Variants in SLC4A7 observed in about 807,000 individuals in gnomAD.
SLC4A7 encodes solute carrier family 4 member 7, also known as sodium bicarbonate cotransporter 3.
A neutral mutation model predicts 137.6 loss-of-function variants in SLC4A7; 51 were observed. That is an observed-to-expected ratio of 0.37 (90% CI 0.30 to 0.47). The LOEUF (loss-of-function observed/expected upper bound fraction) is 0.47, where lower values mean the gene tolerates loss of function less well. Ranked by LOEUF, SLC4A7 falls within the 20% of genes least tolerant of loss-of-function variation. SLC4A7 has a pLI of 1.00. For missense variants in SLC4A7, 1,247 were observed against 1,525.4 expected, an observed-to-expected ratio of 0.82 and a Z score of 3.04; for synonymous variants, 542 against 518.6, an observed-to-expected ratio of 1.05 and a Z score of -0.61.
chr3:27,434,134 A>C (rs762740219), intron 5 of SLC4A7, 30 bp from the exon 6 acceptor site: 6 of 1,504,304 alleles, frequency 4.0e-6, no homozygotes, highest in African/African-American at 1.4e-5. Context: ...ATAAATTACT[A>C]AACACTCAGA....
chr3:27,452,496 A>C lies in SLC4A7; in HGVS notation c.63T>G (p.Gly21=). 2 of 1,599,340 alleles carry C rather than the reference A, an allele frequency of 1.3e-6. No individual in the cohort carries two copies. The highest frequency in any genetic ancestry group is 1.7e-6 in the Non-Finnish European group (2 of 1,175,628). ...GATCCACAACAGCTTCTTCATCAGG[A>C]CCCTAAAAACAAATTATTCTCATTG... ...RPLLTRVTSR[G]PDEEAVVDLG... The change falls in exon 2 of 26, where the codon GGT becomes GGG. Residue 21 remains glycine (G), a splice_region_variant and synonymous_variant. Coordinates refer to ENST00000454389, the MANE Select transcript of SLC4A7 (RefSeq NM_001321103.2).
chr3:27,389,690 T>C (rs1179455132), intron 22 of SLC4A7, among the ~76,000 whole-genome samples: 1 of 152,092 alleles, frequency 6.6e-6, no homozygotes, highest in Non-Finnish European at 1.5e-5. Flanking sequence ...TATTTAAAAA[T>C]ACAAAACCAA....
At chr3:27,418,709 T>C in intron 10 of SLC4A7, 77 bp from the exon 11 acceptor site, 1 of 813,680 alleles carries the variant, frequency 1.2e-6, no homozygotes, top group East Asian at 2.7e-5. Flanking sequence ...ACTCTGGATA[T>C]CATAAATAGC....
intron 1 of SLC4A7, among the ~76,000 whole-genome samples, chr3:27,476,043 C>T (rs1484190757): frequency 6.6e-6 from 1 of 152,152 alleles, no homozygotes; most frequent in Admixed American, 6.5e-5. Context: ...TAACGGCTGA[C>T]ATCTGGAATC....
At chr3:27,451,958 C>T (rs1487540475) in intron 2 of SLC4A7, among the ~76,000 whole-genome samples, 2 of 152,018 alleles carry the variant, frequency 1.3e-5, no homozygotes, top group African/African-American at 4.8e-5. Context: ...TTCTTCCTGT[C>T]TAAGGAAGAA....
At position 27,376,647 on chromosome 3, in the gene SLC4A7, A is replaced by G; in HGVS notation, c.*117T>C. Reference sequence around the variant, plus strand: ...ATTACAAACTCCAGACACTACTTTTAAAAACCCGGTAGTCACACATAAACA... The same window carrying G: ...ATTACAAACTCCAGACACTACTTTTGAAAACCCGGTAGTCACACATAAACA... On this transcript the variant is annotated 3_prime_UTR_variant, in exon 26 of 26. Transcript: ENST00000454389. The G allele has an allele frequency of 1.7e-6, 1 of 591,974 alleles. No homozygotes were observed. 36.7% of individuals were successfully genotyped at this position (591,974 alleles called of 1,614,324 possible). A position where few individuals can be genotyped will look rare whatever the true frequency, so the allele number is the denominator to read the frequency against.
rs1377537607 is a variant in SLC4A7, at chr3:27,452,304, C to T, written c.142+113G>A. 5.8e-6 allele frequency: 4 copies of T among 684,504 alleles called. No homozygotes were observed. In the East Asian group the frequency reaches 1.2e-4, roughly 20 times the overall value. 42.4% of individuals were successfully genotyped at this position (684,504 alleles called of 1,614,324 possible). A position where few individuals can be genotyped will look rare whatever the true frequency, so the allele number is the denominator to read the frequency against. On this transcript the variant is annotated intron_variant, in intron 2 of 25. Coordinates refer to ENST00000454389, the MANE Select transcript of SLC4A7 (RefSeq NM_001321103.2). ...TCTTCTCAATGTACGCTTTACCTTA[C>T]AACAATAACAAAAAAACTCAACAAA...
At chr3:27,402,905 C>G (rs896423113) in intron 15 of SLC4A7, among the ~76,000 whole-genome samples, 7 of 151,992 alleles carry the variant, frequency 4.6e-5, no homozygotes, top group African/African-American at 1.7e-4. Context: ...CCAAAACATA[C>G]ACATGTGAAT....
intron 1 of SLC4A7, among the ~76,000 whole-genome samples, chr3:27,463,663 G>T (rs182064795): frequency 6.6e-6 from 1 of 152,258 alleles, no homozygotes; most frequent in African/African-American, 2.4e-5. Context: ...ATGAGGATGG[G>T]GTGGAGCCGC....
intron 6 of SLC4A7, chr3:27,433,204 G>A (rs960353186): frequency 1.3e-5 from 2 of 152,174 alleles, no homozygotes; most frequent in Admixed American, 6.6e-5. Context: ...TTGGGTAATA[G>A]TAGCAGCTTA....
chr3:27,404,729 T>C (rs911893549), intron 14 of SLC4A7, 101 bp downstream of exon 14: 1 of 957,280 alleles, frequency 1.0e-6, no homozygotes, highest in East Asian at 2.7e-5. Context: ...AGAATGCATA[T>C]ATTGACCAAA....
In SLC4A7 at chr3:27,484,169, G is replaced by A; in HGVS notation, c.-43C>T. 1.6e-6 allele frequency: 2 copies of A among 1,261,580 alleles called. No individual in the cohort carries two copies. The highest frequency in any genetic ancestry group is 2.7e-5 in the South Asian group (1 of 36,812). 78.1% of individuals were successfully genotyped at this position (1,261,580 alleles called of 1,614,324 possible). On this transcript the variant is annotated 5_prime_UTR_variant, in exon 1 of 26. Coordinates refer to ENST00000454389, the MANE Select transcript of SLC4A7 (RefSeq NM_001321103.2). ...GTGACGGCCGCTACGGTACTGCCCC[G>A]CGCGGTCTGCCTGCTTCTGCCGCTG...
rs1320411584 is a variant in SLC4A7 at position 27,462,247 on chromosome 3, T to C, written c.61-9749A>G. 2.0e-5 allele frequency among the ~76,000 whole-genome samples: 3 copies of C among 152,290 alleles called. No individual in the cohort carries two copies. In the East Asian group the frequency reaches 5.8e-4, roughly 29 times the overall value. Reference sequence around the variant, plus strand: ...GAGAGTAAACTAGCAAGAATTCATTTACAAATTTTTCAGCATACATTTGGT... The same window carrying C: ...GAGAGTAAACTAGCAAGAATTCATTCACAAATTTTTCAGCATACATTTGGT... On this transcript the variant is annotated intron_variant, in intron 1 of 25. Coordinates refer to ENST00000454389, the MANE Select transcript of SLC4A7 (RefSeq NM_001321103.2).
rs751421129 is a variant in SLC4A7 at position 27,436,446 on chromosome 3, G to A, written c.531C>T (p.Cys177=). The part of the protein sequence containing the change: ...SLHSLFELRS[C]ILNGTVMLDM... ...CCAGCATGACTGTTCCATTGAGGAT[G>A]CAACTCCTTAGTTCAAAAAGACTGT... Residue 177 remains cysteine (C), a synonymous_variant, in exon 5 of 26, where the codon TGC becomes TGT. Transcript: ENST00000454389. 2 of 1,613,520 alleles carry A rather than the reference G, an allele frequency of 1.2e-6. No homozygotes were observed. Among genetic ancestry groups the A allele is most frequent in the Admixed American group, 1.7e-5 (1 of 60,006 alleles).
At chr3:27,421,861 A>G in intron 8 of SLC4A7, 82 bp from the exon 9 acceptor site, 1 of 975,760 alleles carries the variant, frequency 1.0e-6, no homozygotes, top group Non-Finnish European at 1.5e-6. Flanking sequence ...AAACTGCTTT[A>G]TAAGACTACT....
chr3:27,473,202 G>C (rs1255492292), intron 1 of SLC4A7, among the ~76,000 whole-genome samples: 1 of 152,108 alleles, frequency 6.6e-6, no homozygotes, highest in Non-Finnish European at 1.5e-5. Flanking sequence ...AGGTGGCTGA[G>C]GCCAGAGGAC....
At chr3:27,412,975 A>G (rs988212092) in intron 11 of SLC4A7, among the ~76,000 whole-genome samples, 1 of 152,176 alleles carries the variant, frequency 6.6e-6, no homozygotes, top group African/African-American at 2.4e-5. Context: ...AAAACAGCTA[A>G]CAGCAGAAAC....
intron 11 of SLC4A7, among the ~76,000 whole-genome samples, chr3:27,416,319 ATAGT>A (rs1244633093): frequency 6.6e-6 from 1 of 152,210 alleles, no homozygotes; most frequent in Non-Finnish European, 1.5e-5. Context: ...GGTATTTACT[ATAGT>A]TAATTTTATG....
chr3:27,434,628 C>T (rs937870647), intron 5 of SLC4A7, among the ~76,000 whole-genome samples: 7 of 151,994 alleles, frequency 4.6e-5, no homozygotes, highest in Non-Finnish European at 1.0e-4. Flanking sequence ...ACAGATAAAA[C>T]GTCATGAGGT....
Sources: allele counts gnomAD v4.1 joint callset (sites outside exome capture counted in the v4.1 genomes callset), GRCh38; gene constraint gnomAD v4.1.1; transcripts MANE v1.5; gene names NCBI Gene and HGNC (gene_info 2026-07-23, HGNC 2026-07-21).